The following PTPRN2 variants were observed in gnomAD, a reference collection of about 807,000 sequenced individuals.
PTPRN2 encodes the protein receptor-type tyrosine-protein phosphatase N2.
In PTPRN2, 74 loss-of-function variants were observed where a neutral mutation model predicts 118.8. The observed-to-expected ratio is 0.62, with a 90% CI of 0.52 to 0.76. The LOEUF is 0.76. Among genes scored for constraint, PTPRN2 ranks in the 30% least tolerant of loss-of-function variants. PTPRN2 has a pLI of 0.00. For missense variants in PTPRN2, 1,481 were observed against 1,394.4 expected, an observed-to-expected ratio of 1.06 and a Z score of -0.99; for synonymous variants, 641 against 608.0, an observed-to-expected ratio of 1.05 and a Z score of -0.80.
intron 12 of PTPRN2, among the ~76,000 whole-genome samples, chr7:157,772,598 C>T (rs1016024616): frequency 7.9e-5 from 12 of 152,170 alleles, no homozygotes; most frequent in East Asian, 3.9e-4. Flanking sequence ...AATCCTGCTG[C>T]GGGCGGCCTC....
chr7:158,272,087 G>A (rs1015248860), intron 3 of PTPRN2, among the ~76,000 whole-genome samples: 1 of 152,184 alleles, frequency 6.6e-6, no homozygotes, highest in Non-Finnish European at 1.5e-5. Flanking sequence ...ATTTTAAAAC[G>A]ATTTTTCCTC....
chr7:158,342,969 C>T lies in PTPRN2; in HGVS notation c.164-26037G>A, dbSNP rs573187706. Reference sequence around the variant, plus strand: ...TGGGTTCTTTTCAGCCAGCACATGCCGATGACCAGCTCTGCGTTGCAGTGA... The same window carrying T: ...TGGGTTCTTTTCAGCCAGCACATGCTGATGACCAGCTCTGCGTTGCAGTGA... On this transcript the variant is annotated intron_variant, in intron 2 of 22. Transcript: ENST00000389418. Among the ~76,000 whole-genome samples, 14 of 152,272 alleles carry T rather than the reference C, an allele frequency of 9.2e-5. 1 individual carries two copies. In the South Asian group the frequency reaches 2.1e-3, roughly 23 times the overall value.
chr7:158,476,163 C>T (rs960479269), intron 2 of PTPRN2, among the ~76,000 whole-genome samples: 1 of 152,186 alleles, frequency 6.6e-6, no homozygotes, highest in Non-Finnish European at 1.5e-5. Context: ...TGCCACCACA[C>T]CTGGCTGATT....
chr7:158,019,868 C>T (rs1032905568), intron 11 of PTPRN2, among the ~76,000 whole-genome samples: 4 of 152,252 alleles, frequency 2.6e-5, no homozygotes, highest in South Asian at 4.1e-4. Context: ...CACAGCACAG[C>T]GGCCCCCGGC....
At chr7:158,575,131 A>G (rs1828254722) in intron 1 of PTPRN2, among the ~76,000 whole-genome samples, 1 of 152,264 alleles carries the variant, frequency 6.6e-6, no homozygotes, top group Non-Finnish European at 1.5e-5. Flanking sequence ...GAATCTTTCA[A>G]AATGAGGCTT....
At chr7:158,513,225 C>G (rs565695634) in intron 1 of PTPRN2, among the ~76,000 whole-genome samples, 1 of 152,188 alleles carries the variant, frequency 6.6e-6, no homozygotes, top group Non-Finnish European at 1.5e-5. Flanking sequence ...CAATCTTCCT[C>G]CCCAGAACTC....
At chr7:157,769,701 C>T (rs1356877410) in intron 12 of PTPRN2, among the ~76,000 whole-genome samples, 4 of 152,192 alleles carry the variant, frequency 2.6e-5, no homozygotes, top group Admixed American at 2.6e-4. Context: ...TGTCACCAGC[C>T]CCTCCACACG....
At chr7:158,030,123 G>A (rs1807577860) in intron 11 of PTPRN2, 1 of 152,200 alleles carries the variant, frequency 6.6e-6, no homozygotes, top group South Asian at 2.1e-4. Context: ...GGAAAGCACG[G>A]GCCAGGCGTG....
At chr7:157,680,830 G>A (rs1196873375) in intron 13 of PTPRN2, among the ~76,000 whole-genome samples, 1 of 152,060 alleles carries the variant, frequency 6.6e-6, no homozygotes, top group East Asian at 1.9e-4. Flanking sequence ...TTATTAATCT[G>A]GATTGAAGAA....
intron 6 of PTPRN2, among the ~76,000 whole-genome samples, chr7:158,150,903 C>A (rs913175891): frequency 6.6e-6 from 1 of 152,014 alleles, no homozygotes. Flanking sequence ...TACTGGTTTG[C>A]AGCAAATGGG....
At chr7:157,815,679 GA>G (rs1355731236) in intron 12 of PTPRN2, among the ~76,000 whole-genome samples, 1 of 152,202 alleles carries the variant, frequency 6.6e-6, no homozygotes, top group Non-Finnish European at 1.5e-5. Context: ...ACGTGAAGGA[GA>G]GAGCCACCCA....
intron 2 of PTPRN2, among the ~76,000 whole-genome samples, chr7:158,401,069 G>A (rs1812910467): frequency 6.6e-6 from 1 of 152,168 alleles, no homozygotes; most frequent in Admixed American, 6.5e-5. Flanking sequence ...GAATCTAAAA[G>A]AGAAAGCGGC....
chr7:157,579,221 C>T, intron 17 of PTPRN2, among the ~76,000 whole-genome samples: 1 of 152,156 alleles, frequency 6.6e-6, no homozygotes. Flanking sequence ...AGTCAATATC[C>T]TCAAGGCACC....
At chr7:157,643,501 G>T (rs1018967662) in intron 14 of PTPRN2, among the ~76,000 whole-genome samples, 1 of 152,238 alleles carries the variant, frequency 6.6e-6, no homozygotes, top group African/African-American at 2.4e-5. Context: ...CACTGTGGCG[G>T]AGGTGTGGGG....
At chr7:157,636,477 A>G (rs1399509108) in intron 14 of PTPRN2, among the ~76,000 whole-genome samples, 1 of 152,266 alleles carries the variant, frequency 6.6e-6, no homozygotes, top group Non-Finnish European at 1.5e-5. Flanking sequence ...ACTTCGATTA[A>G]AACAAGTCTA....
At chr7:158,203,464 A>G (rs1826824824) in intron 4 of PTPRN2, among the ~76,000 whole-genome samples, 1 of 152,172 alleles carries the variant, frequency 6.6e-6, no homozygotes, top group Non-Finnish European at 1.5e-5. Context: ...CGTTGTTTAG[A>G]AGGCACAATC....
intron 6 of PTPRN2, among the ~76,000 whole-genome samples, chr7:158,164,608 C>T (rs1039830397): frequency 3.3e-5 from 5 of 152,172 alleles, no homozygotes; most frequent in African/African-American, 1.2e-4. Context: ...AGCTCACCCT[C>T]ACCCGGCTCT....
At chr7:157,702,096 G>C (rs1050368583) in intron 12 of PTPRN2, among the ~76,000 whole-genome samples, 1 of 150,406 alleles carries the variant, frequency 6.6e-6, no homozygotes, top group East Asian at 2.0e-4. Context: ...AAGCCTGGTC[G>C]GTCCTGGTGT....
intron 12 of PTPRN2, among the ~76,000 whole-genome samples, chr7:157,796,972 CAA>C (rs775189401): frequency 2.0e-5 from 3 of 152,300 alleles, no homozygotes; most frequent in Admixed American, 2.0e-4. Context: ...ATCTCAACAG[CAA>C]AGAGTGATCT....
Sources: gnomAD v4.1 joint callset for allele counts (sites outside exome capture counted in the v4.1 genomes callset) on GRCh38, gnomAD v4.1.1 for gene constraint, MANE v1.5 for transcripts, NCBI Gene and HGNC (gene_info 2026-07-23, HGNC 2026-07-21) for gene names.